The following ITPR2 variants were observed in gnomAD, a reference collection of about 807,000 sequenced individuals.
ITPR2 encodes the protein inositol 1,4,5-trisphosphate receptor type 2, also known as inositol 1,4,5-trisphosphate-gated calcium channel ITPR2.
A neutral mutation model predicts 317.1 loss-of-function variants in ITPR2; 207 were observed. The observed-to-expected ratio is 0.65, with a 90% CI of 0.58 to 0.73. The LOEUF (loss-of-function observed/expected upper bound fraction) is 0.73, where lower values mean the gene tolerates loss of function less well. ITPR2 is among the 30% of genes least tolerant of loss of function. The pLI, the probability that ITPR2 is intolerant of heterozygous loss-of-function variation, is 0.00. For missense variants in ITPR2, 2,613 were observed against 3,284.0 expected, an observed-to-expected ratio of 0.80 and a Z score of 4.99; for synonymous variants, 1,156 against 1,149.1, an observed-to-expected ratio of 1.01 and a Z score of -0.12.
chr12:26,804,910 T>C (rs1336861313), intron 1 of ITPR2, among the ~76,000 whole-genome samples: 1 of 151,964 alleles, frequency 6.6e-6, no homozygotes, highest in Non-Finnish European at 1.5e-5. Flanking sequence ...AATTTTTGTA[T>C]TTTTAGTAGA....
At chr12:26,718,050 C>T (rs974596359) in intron 5 of ITPR2, among the ~76,000 whole-genome samples, 4 of 152,188 alleles carry the variant, frequency 2.6e-5, no homozygotes, top group Non-Finnish European at 4.4e-5. Context: ...CTTCCAATTA[C>T]ATTTTTTTCT....
At position 26,654,091 on chromosome 12, in the gene ITPR2, T is replaced by C. The variant is rs762714635; in HGVS notation, c.2625A>G (p.Gly875=). The C allele has an allele frequency of 1.6e-6, 2 of 1,214,014 alleles. No homozygotes were observed. The highest frequency in any genetic ancestry group is 5.4e-5 in the Admixed American group (2 of 37,034). The allele number at this position is 1,214,014 out of a possible 1,614,324, so 75.2% of individuals were successfully genotyped here. A position where few individuals can be genotyped will look rare whatever the true frequency, so the allele number is the denominator to read the frequency against. Residue 875 remains glycine, a synonymous_variant, in exon 21 of 57, where the codon GGA becomes GGG. Coordinates refer to ENST00000381340, the MANE Select transcript of ITPR2 (RefSeq NM_002223.4). The stretch of plus-strand genomic sequence containing the variant: ...TTAATAACTCACTGAAACTATAAAA[T>C]CCAAAGTATATAAGATTCCGAGCCA... ...VHLARNLIYF[G]FYSFSELLRL... is the part of the protein sequence containing the mutation.
intron 1 of ITPR2, among the ~76,000 whole-genome samples, chr12:26,800,371 G>A (rs544059753): frequency 2.6e-5 from 4 of 152,196 alleles, no homozygotes; most frequent in Admixed American, 1.3e-4. Context: ...AACAAATATT[G>A]TAATTATCAA....
chr12:26,383,833 G>C (rs560657082), intron 55 of ITPR2, among the ~76,000 whole-genome samples: 32 of 152,104 alleles, frequency 2.1e-4, no homozygotes, highest in African/African-American at 7.5e-4. Flanking sequence ...AAAGGTAGGA[G>C]GCATTTTCTA....
At chr12:26,538,347 A>G (rs1352587022) in intron 37 of ITPR2, among the ~76,000 whole-genome samples, 4 of 108,652 alleles carry the variant, frequency 3.7e-5, no homozygotes, top group Non-Finnish European at 7.6e-5. Flanking sequence ...CACCTTTTTG[A>G]AAAAAAAAAA....
intron 42 of ITPR2, among the ~76,000 whole-genome samples, 164 bp downstream of exon 42, chr12:26,483,534 T>C (rs569576781): frequency 7.2e-5 from 11 of 152,364 alleles, no homozygotes; most frequent in Middle Eastern, 3.4e-3. Flanking sequence ...TATCTACAAA[T>C]ACAGCATAGT....
chr12:26,491,655 A>G (rs1942808867), intron 39 of ITPR2, among the ~76,000 whole-genome samples: 1 of 151,740 alleles, frequency 6.6e-6, no homozygotes, highest in South Asian at 2.1e-4. Flanking sequence ...TGAAAATAAT[A>G]GAGTATGGAT....
chr12:26,582,461 A>G (rs983416956), intron 32 of ITPR2, among the ~76,000 whole-genome samples: 1 of 152,216 alleles, frequency 6.6e-6, no homozygotes, highest in Non-Finnish European at 1.5e-5. Flanking sequence ...TACTGCCATT[A>G]TCTAAACACT....
chr12:26,613,795 T>C (rs998449913), intron 26 of ITPR2, among the ~76,000 whole-genome samples: 2 of 152,090 alleles, frequency 1.3e-5, no homozygotes, highest in African/African-American at 4.8e-5. Flanking sequence ...GAGGCTCCCA[T>C]ATACAAGACA....
chr12:26,783,156 T>C (rs1170499442), intron 2 of ITPR2, among the ~76,000 whole-genome samples: 1 of 152,252 alleles, frequency 6.6e-6, no homozygotes, highest in Non-Finnish European at 1.5e-5. Context: ...CCTGCTTTAG[T>C]GTTCATTGCA....
intron 34 of ITPR2, among the ~76,000 whole-genome samples, chr12:26,563,827 G>A (rs116223566): frequency 1.3e-3 from 195 of 152,296 alleles, no homozygotes; most frequent in African/African-American, 4.6e-3. Context: ...AGAATTCTAG[G>A]AAGGAAACAG....
chr12:26,776,308 C>T (rs1380110483), intron 2 of ITPR2, among the ~76,000 whole-genome samples: 1 of 152,022 alleles, frequency 6.6e-6, no homozygotes, highest in East Asian at 1.9e-4. Context: ...TTGGTTGCTC[C>T]TAAGTTCACT....
At chr12:26,491,828 A>C (rs766884093) in intron 39 of ITPR2, among the ~76,000 whole-genome samples, 13 of 152,352 alleles carry the variant, frequency 8.5e-5, no homozygotes, top group Non-Finnish European at 1.5e-4. Flanking sequence ...GCAATGGCAA[A>C]AGGAGCAGTG....
chr12:26,750,365 C>G (rs1437047270), intron 2 of ITPR2, among the ~76,000 whole-genome samples: 6 of 152,192 alleles, frequency 3.9e-5, no homozygotes, highest in African/African-American at 1.2e-4. Flanking sequence ...CACCATGCCA[C>G]CCCATCATGT....
intron 13 of ITPR2, among the ~76,000 whole-genome samples, chr12:26,680,397 T>G (rs1014538095): frequency 6.6e-6 from 1 of 152,306 alleles, no homozygotes; most frequent in Non-Finnish European, 1.5e-5. Context: ...TATGTCAAAA[T>G]TTAAAAATAT....
intron 37 of ITPR2, among the ~76,000 whole-genome samples, chr12:26,505,220 A>G (rs1413169834): frequency 6.6e-6 from 1 of 152,224 alleles, no homozygotes. Context: ...AGCTTCCTAC[A>G]TAGGATGTTC....
rs1007387886 is a variant in ITPR2 at position 26,794,242 on chromosome 12, G to C, written c.93-4015C>G. On this transcript the variant is annotated intron_variant, in intron 1 of 56. Transcript: ENST00000381340. Reference sequence around the variant, plus strand: ...ATGGAATTTTAACTGGACATAACAAGAGTCTTAAAAATTCTGTGAGAAGTG... The same window carrying C: ...ATGGAATTTTAACTGGACATAACAACAGTCTTAAAAATTCTGTGAGAAGTG... Among the ~76,000 whole-genome samples the C allele has an allele frequency of 5.9e-5, 9 of 152,208 alleles. No homozygotes were observed. The South Asian group carries it at 1.9e-3, about 32-fold the overall frequency.
At chr12:26,772,484 TA>T (rs1190184308) in intron 2 of ITPR2, among the ~76,000 whole-genome samples, 47 of 67,928 alleles carry the variant, frequency 6.9e-4, no homozygotes, top group East Asian at 3.8e-3. Context: ...ATATAATATA[TA>T]TAATACATAT....
At chr12:26,618,991 C>G (rs1946434765) in intron 26 of ITPR2, among the ~76,000 whole-genome samples, 1 of 152,162 alleles carries the variant, frequency 6.6e-6, no homozygotes, top group Non-Finnish European at 1.5e-5. Context: ...GTGGTTTCCT[C>G]TGTTATATAG....
Sources: allele counts gnomAD v4.1 joint callset (sites outside exome capture counted in the v4.1 genomes callset), GRCh38; gene constraint gnomAD v4.1.1; transcripts MANE v1.5; gene names NCBI Gene and HGNC (gene_info 2026-07-23, HGNC 2026-07-21).